LRRC7: variants seen among roughly 807,000 people sequenced by gnomAD.
The protein encoded by LRRC7 is leucine rich repeat containing 7, also known as leucine-rich repeat-containing protein 7.
Under a neutral mutation model 175.7 loss-of-function variants are expected in LRRC7, and 23 were observed. That is an observed-to-expected ratio of 0.13 (90% confidence interval 0.09 to 0.19). The LOEUF is 0.19. Ranked by LOEUF, LRRC7 falls within the 10% of genes least tolerant of loss-of-function variation. The pLI, the probability that LRRC7 is intolerant of heterozygous loss-of-function variation, is 1.00. For missense variants in LRRC7, 1,354 were observed against 1,904.7 expected, an observed-to-expected ratio of 0.71 and a Z score of 5.38; for synonymous variants, 685 against 680.9, an observed-to-expected ratio of 1.01 and a Z score of -0.09.
intron 11 of LRRC7, among the ~76,000 whole-genome samples, chr1:70,009,070 TACCAAG>T (rs1240152532): frequency 6.6e-6 from 1 of 152,146 alleles, no homozygotes; most frequent in Non-Finnish European, 1.5e-5. Context: ...ACAACCACCT[TACCAAG>T]ACCAAGACTA....
At chr1:69,947,771 A>T (rs1425463135) in intron 8 of LRRC7, among the ~76,000 whole-genome samples, 4 of 152,132 alleles carry the variant, frequency 2.6e-5, no homozygotes, top group African/African-American at 7.2e-5. Flanking sequence ...CCAAACCTAT[A>T]TATACTATTT....
At chr1:69,929,884 C>T (rs1647219238) in intron 7 of LRRC7, among the ~76,000 whole-genome samples, 1 of 152,006 alleles carries the variant, frequency 6.6e-6, no homozygotes, top group Non-Finnish European at 1.5e-5. Context: ...CTTTCTACTC[C>T]TCCCTCTCTC....
chr1:69,892,065 C>G (rs530622076), intron 7 of LRRC7, among the ~76,000 whole-genome samples: 1 of 152,240 alleles, frequency 6.6e-6, no homozygotes, highest in South Asian at 2.1e-4. Flanking sequence ...AAACATCAGT[C>G]TGTATATTGA....
intron 1 of LRRC7, among the ~76,000 whole-genome samples, chr1:69,638,274 G>C (rs553777532): frequency 1.3e-5 from 2 of 151,640 alleles, no homozygotes; most frequent in African/African-American, 2.4e-5. Flanking sequence ...CATTCATTTG[G>C]TCATTTCTAA....
intron 21 of LRRC7, among the ~76,000 whole-genome samples, chr1:70,040,008 T>G (rs1659724195): frequency 6.6e-6 from 1 of 152,222 alleles, no homozygotes; most frequent in Non-Finnish European, 1.5e-5. Context: ...GGTGAATTAT[T>G]CATCAAATCT....
intron 2 of LRRC7, among the ~76,000 whole-genome samples, chr1:69,732,436 A>T (rs563602976): frequency 1.3e-5 from 2 of 152,164 alleles, no homozygotes; most frequent in African/African-American, 2.4e-5. Flanking sequence ...GTCAGGTTTT[A>T]AAAAAGTCCC....
At chr1:70,080,695 C>G (rs929512241) in intron 24 of LRRC7, among the ~76,000 whole-genome samples, 1 of 152,138 alleles carries the variant, frequency 6.6e-6, no homozygotes, top group Non-Finnish European at 1.5e-5. Flanking sequence ...ATAATATCTG[C>G]AGCAAAAACC....
At chr1:69,586,761 T>C (rs1646419294) in intron 1 of LRRC7, among the ~76,000 whole-genome samples, 1 of 152,216 alleles carries the variant, frequency 6.6e-6, no homozygotes, top group South Asian at 2.1e-4. Context: ...TCTAGGCATT[T>C]TGAGTGTTAT....
At position 70,039,305 on chromosome 1, in the gene LRRC7, A is replaced by G. The variant is rs1420203568; in HGVS notation, c.3481A>G (p.Thr1161Ala). ...LRRADSLVSA[T>A]EMAMFRRVNE... ...AAGGGCCGACTCCCTGGTGAGCGCC[A>G]CAGAAATGGCCATGTTTAGAAGGGT... The change falls in exon 21 of 27, where the codon ACA (threonine) becomes GCA (alanine). Residue 1161 changes from threonine to alanine, a missense_variant. By Grantham distance (58) the Thr-to-Ala change is moderately conservative. Transcript: ENST00000651989. 6 of 1,614,062 alleles carry G rather than the reference A, an allele frequency of 3.7e-6. No homozygotes were observed. The highest frequency in any genetic ancestry group is 8.5e-7 in the Non-Finnish European group (1 of 1,180,008).
intron 3 of LRRC7, among the ~76,000 whole-genome samples, chr1:69,778,887 C>T (rs1308222936): frequency 6.7e-6 from 1 of 149,648 alleles, no homozygotes; most frequent in East Asian, 1.9e-4. Flanking sequence ...CACACATACA[C>T]ACACACACAT....
intron 8 of LRRC7, among the ~76,000 whole-genome samples, chr1:69,941,710 T>G (rs965689019): frequency 2.6e-5 from 4 of 152,112 alleles, no homozygotes; most frequent in Admixed American, 2.6e-4. Context: ...AATATAATTT[T>G]GAAAGCTGAC....
chr1:70,070,444 C>G (rs1662295879), intron 23 of LRRC7, among the ~76,000 whole-genome samples: 1 of 152,134 alleles, frequency 6.6e-6, no homozygotes, highest in Admixed American at 6.5e-5. Flanking sequence ...GTATGAGCAT[C>G]TATTGATTGT....
chr1:69,960,567 G>A (rs1477603997), intron 8 of LRRC7, among the ~76,000 whole-genome samples: 2 of 150,098 alleles, frequency 1.3e-5, no homozygotes, highest in African/African-American at 2.4e-5. Flanking sequence ...TAGTTCTGAT[G>A]TTGGGTTGTT....
intron 24 of LRRC7, among the ~76,000 whole-genome samples, chr1:70,084,695 G>C (rs1297200393): frequency 6.6e-6 from 1 of 152,098 alleles, no homozygotes; most frequent in Non-Finnish European, 1.5e-5. Context: ...TGAGTCATAT[G>C]GTAATTATGT....
intron 1 of LRRC7, among the ~76,000 whole-genome samples, chr1:69,606,673 T>C (rs1025528580): frequency 6.6e-6 from 1 of 152,092 alleles, no homozygotes. Context: ...AGTATACTTT[T>C]GATGAAGTGT....
At chr1:69,634,601 C>G (rs1319705790) in intron 1 of LRRC7, among the ~76,000 whole-genome samples, 1 of 152,082 alleles carries the variant, frequency 6.6e-6, no homozygotes, top group African/African-American at 2.4e-5. Flanking sequence ...CAGATGCTCA[C>G]TCTGTCAACC....
In LRRC7 at chr1:69,884,201, T is replaced by C. The variant is rs1686934408; in HGVS notation, c.647+45918T>C. On this transcript the variant is annotated intron_variant, in intron 7 of 26. Coordinates refer to ENST00000651989, the MANE Select transcript of LRRC7 (RefSeq NM_001370785.2). ...ATGGCATTGAATCTGTAAATTACCT[T>C]GGGCAGTATGGCCATTTTCACGATA... Among the ~76,000 whole-genome samples the C allele has an allele frequency of 3.7e-5, 3 of 81,180 alleles. 1 individual carries two copies. Among genetic ancestry groups the C allele is most frequent in the Non-Finnish European group, 7.5e-5 (3 of 39,882 alleles). 53.3% of individuals were successfully genotyped at this position (81,180 alleles called of 152,430 possible).
chr1:70,062,610 A>C (rs1010583131), intron 23 of LRRC7, among the ~76,000 whole-genome samples: 6 of 152,118 alleles, frequency 3.9e-5, no homozygotes, highest in Admixed American at 6.6e-5. Flanking sequence ...AATAAACCAA[A>C]GTACATGACC....
chr1:70,043,368 ATAAG>A (rs1186122331), intron 21 of LRRC7, among the ~76,000 whole-genome samples: 1 of 152,192 alleles, frequency 6.6e-6, no homozygotes, highest in African/African-American at 2.4e-5. Flanking sequence ...AGCTGAATTA[ATAAG>A]TAAGTTCAAT....
Sources: gnomAD v4.1 joint callset for allele counts (sites outside exome capture counted in the v4.1 genomes callset) on GRCh38, gnomAD v4.1.1 for gene constraint, MANE v1.5 for transcripts, NCBI Gene and HGNC (gene_info 2026-07-23, HGNC 2026-07-21) for gene names.